ACOX3: variants seen among roughly 807,000 people sequenced by gnomAD.
The protein encoded by ACOX3 is peroxisomal acyl-coenzyme A oxidase 3.
In ACOX3, 73 loss-of-function variants were observed where a neutral mutation model predicts 81.5. That is an observed-to-expected ratio of 0.90 (90% CI 0.74 to 1.09). The LOEUF is 1.09. Ranked by LOEUF, ACOX3 falls within the 50% of genes least tolerant of loss-of-function variation. The pLI is 0.00. For synonymous variants in ACOX3, 387 were observed against 375.1 expected (o/e 1.03, Z -0.37); for missense variants, 947 against 928.0 (o/e 1.02, Z -0.27).
chr4:8,379,989 G>A (rs1257650396), intron 14 of ACOX3, among the ~76,000 whole-genome samples: 1 of 151,996 alleles, frequency 6.6e-6, no homozygotes, highest in African/African-American at 2.4e-5. Flanking sequence ...GCAGAGGAGG[G>A]AGCAGTGGAA....
chr4:8,373,510 G>C, intron 16 of ACOX3, 51 bp downstream of exon 16: 1 of 1,594,564 alleles, frequency 6.3e-7, no homozygotes, highest in Non-Finnish European at 8.6e-7. Context: ...GTGTCGCTCT[G>C]GGCGGTTGTG....
rs1718349710 is a variant in ACOX3, at chr4:8,386,743, G to A, written c.1537+2430C>T. 6.6e-6 allele frequency among the ~76,000 whole-genome samples: 1 copy of A among 152,138 alleles called. No individual in the cohort carries two copies. Among genetic ancestry groups the A allele is most frequent in the African/African-American group, 2.4e-5 (1 of 41,442 alleles). The stretch of plus-strand genomic sequence containing the variant: ...GCAAGCAGTGATGCAGACGCTTCCT[G>A]ATGACGATGCTGACGGTGCGGGCAG... On this transcript the variant is annotated intron_variant, in intron 13 of 17. Transcript: ENST00000356406. This position sits in a 1 kb window ranked among gnomAD's most constrained non-coding sequence, Gnocchi z 5.2.
chr4:8,394,812 T>A lies in ACOX3; in HGVS notation c.1057-70A>T. The A allele has an allele frequency of 6.4e-7, 1 of 1,555,946 alleles. No homozygotes were observed. Among genetic ancestry groups the A allele is most frequent in the Non-Finnish European group, 8.7e-7 (1 of 1,147,712 alleles). The stretch of plus-strand genomic sequence containing the variant: ...GAAGGGCAGCCCATCCCAGGGACCA[T>A]GAAAGCCAGTGCAGGGAGAGGCCGT... On this transcript the variant is annotated intron_variant, in intron 9 of 17. Transcript: ENST00000356406. This position sits in a 1 kb window ranked among gnomAD's most constrained non-coding sequence, Gnocchi z 5.9.
Position 8,389,088 on chromosome 4 carries a change from G to A in ACOX3, c.1537+85C>T. 8.8e-7 allele frequency: 1 copy of A among 1,130,888 alleles called. No homozygotes were observed. The highest frequency in any genetic ancestry group is 1.3e-6 in the Non-Finnish European group (1 of 766,900). The allele number at this position is 1,130,888 out of a possible 1,614,324, so 70.1% of individuals were successfully genotyped here. On this transcript the variant is annotated intron_variant, in intron 13 of 17. Transcript: ENST00000356406. This position sits in a 1 kb window ranked among gnomAD's most constrained non-coding sequence, Gnocchi z 5.3. The stretch of plus-strand genomic sequence containing the variant: ...GCTGCCCCGGCTGGAACTGCCAAGG[G>A]TCCCCTCACCGAGGCACGGTGCGTT...
At chr4:8,398,085 C>T (rs934969718) in intron 8 of ACOX3, among the ~76,000 whole-genome samples, 5 of 152,122 alleles carry the variant, frequency 3.3e-5, no homozygotes, top group African/African-American at 9.7e-5. Context: ...CACTTGAACC[C>T]GGGAGGCAGA....
chr4:8,398,625 G>A lies in ACOX3; in HGVS notation c.873+931C>T, dbSNP rs150195807. On this transcript the variant is annotated intron_variant, in intron 8 of 17. Transcript: ENST00000356406. ...ACCAAGTAACGGACCACAGGCACAC[G>A]CTACCATGCCCGGCTAATTTTTGCA... 1.3e-3 allele frequency among the ~76,000 whole-genome samples: 202 copies of A among 152,182 alleles called. 2 individuals are homozygous for A. Among genetic ancestry groups the A allele is most frequent in the African/African-American group, 4.2e-3 (175 of 41,508 alleles).
chr4:8,403,535 G>A lies in ACOX3; in HGVS notation c.776+2420C>T, dbSNP rs541005757. Among the ~76,000 whole-genome samples the A allele has an allele frequency of 1.1e-4, 17 of 152,312 alleles. No homozygotes were observed. The East Asian group carries it at 1.2e-3, about 10-fold the overall frequency. ...TCCCTGTCACCCTGCAGAGAGACACGGTGGAAAGGCTCTGGGGGCTCAGTG... is the reference window on the plus strand; with the variant it reads ...TCCCTGTCACCCTGCAGAGAGACACAGTGGAAAGGCTCTGGGGGCTCAGTG... On this transcript the variant is annotated intron_variant, in intron 7 of 17. Transcript: ENST00000356406.
In ACOX3 at chr4:8,392,409, C is replaced by G; in HGVS notation, c.1224G>C (p.Lys408Asn). 6.2e-7 allele frequency: 1 copy of G among 1,609,182 alleles called. No homozygotes were observed. Among genetic ancestry groups the G allele is most frequent in the South Asian group, 1.1e-5 (1 of 90,410 alleles). Reference sequence around the variant, plus strand: ...GCTGGGTGGTCCACGAGGCCAGGGGCTTGCTGGCCGATGCCAGGGCGTGGA... The same window carrying G: ...GCTGGGTGGTCCACGAGGCCAGGGGGTTGCTGGCCGATGCCAGGGCGTGGA... ...REIHALASAS[K>N]PLASWTTQQG... is the part of the protein sequence containing the mutation. Residue 408 changes from lysine to asparagine, a missense_variant, in exon 11 of 18, where the codon AAG becomes AAC. Physicochemically the swap from Lys to Asn is moderately conservative, Grantham distance 94. Coordinates refer to ENST00000356406, the MANE Select transcript of ACOX3 (RefSeq NM_003501.3).
At chr4:8,429,180 G>T (rs1264929895) in intron 1 of ACOX3, among the ~76,000 whole-genome samples, 1 of 152,204 alleles carries the variant, frequency 6.6e-6, no homozygotes, top group Non-Finnish European at 1.5e-5. Flanking sequence ...TACAGAGACA[G>T]TGTTGTACCT....
chr4:8,404,862 C>G (rs1250282831), intron 7 of ACOX3, among the ~76,000 whole-genome samples: 2 of 152,174 alleles, frequency 1.3e-5, no homozygotes, highest in Non-Finnish European at 2.9e-5. Context: ...TACCTTGTCC[C>G]ACTACCCCCA....
intron 1 of ACOX3, among the ~76,000 whole-genome samples, chr4:8,425,255 G>A (rs1723353809): frequency 6.6e-6 from 1 of 151,966 alleles, no homozygotes; most frequent in Admixed American, 6.6e-5. Flanking sequence ...GCCGCAAGGT[G>A]GGACCCTCCA....
At chr4:8,360,159 C>G in the ACOX3 span, among the ~76,000 whole-genome samples, 1 of 152,198 alleles carries the variant, frequency 6.6e-6, no homozygotes, top group Non-Finnish European at 1.5e-5. Context: ...GGCCCAGGTT[C>G]AGGGTTCAAT....
In ACOX3 at chr4:8,406,080, T is replaced by C; in HGVS notation, c.688-37A>G. The C allele has an allele frequency of 6.3e-7, 1 of 1,589,696 alleles. No individual in the cohort carries two copies. On this transcript the variant is annotated intron_variant, in intron 6 of 17. Coordinates refer to ENST00000356406, the MANE Select transcript of ACOX3 (RefSeq NM_003501.3). The surrounding 1 kb of genome is among the most constrained non-coding windows in gnomAD (Gnocchi z 5.6). ...CACAGAAAGCAGCAAACAGCAACTGTTACAATCACACAAAAATCAAAACAA... is the reference window on the plus strand; with the variant it reads ...CACAGAAAGCAGCAAACAGCAACTGCTACAATCACACAAAAATCAAAACAA...
At chr4:8,357,217 A>C in the ACOX3 span, 1 of 456,778 alleles carries the variant, frequency 2.2e-6, no homozygotes. Context: ...AACAGTGCAC[A>C]CTAACACGTT....
intron 5 of ACOX3, among the ~76,000 whole-genome samples, chr4:8,411,625 G>C (rs868520914): frequency 6.6e-6 from 1 of 152,208 alleles, no homozygotes; most frequent in Non-Finnish European, 1.5e-5. Context: ...GGCCCAAGCC[G>C]GCTCCTCGGG....
chr4:8,359,737 T>C, the ACOX3 span, among the ~76,000 whole-genome samples: 1 of 152,206 alleles, frequency 6.6e-6, no homozygotes, highest in East Asian at 1.9e-4. This position sits in a 1 kb window ranked among gnomAD's most constrained non-coding sequence, Gnocchi z 6.0. Context: ...TGGATGGGTC[T>C]TTCTCTGACC....
Position 8,394,746 on chromosome 4 carries a change from G to A in ACOX3, c.1057-4C>T. ...GATATGGAAGCAAGCGCCATTGCTA[G>A]AACAGACAAGACACCTGCGTGAACA... is the stretch of plus-strand genomic sequence containing the variant. On this transcript the variant is annotated splice_region_variant and splice_polypyrimidine_tract_variant and intron_variant, in intron 9 of 17. Transcript: ENST00000356406. The surrounding 1 kb of genome is among the most constrained non-coding windows in gnomAD (Gnocchi z 5.9). 1 of 1,612,482 alleles carries A rather than the reference G, an allele frequency of 6.2e-7. No individual in the cohort carries two copies. Among genetic ancestry groups the A allele is most frequent in the Non-Finnish European group, 8.5e-7 (1 of 1,179,296 alleles).
downstream of ACOX3, among the ~76,000 whole-genome samples, chr4:8,365,333 T>C (rs181004650): frequency 2.0e-5 from 3 of 152,362 alleles, no homozygotes; most frequent in Admixed American, 6.5e-5. Context: ...AAGAGTATCA[T>C]AGACAAAACA....
At position 8,405,896 on chromosome 4, in the gene ACOX3, C is replaced by T. The variant is rs911936638; in HGVS notation, c.776+59G>A. The T allele has an allele frequency of 1.2e-5, 19 of 1,525,102 alleles. No homozygotes were observed. The highest frequency in any genetic ancestry group is 5.5e-5 in the African/African-American group (4 of 72,968). The allele number at this position is 1,525,102 out of a possible 1,614,324, so 94.5% of individuals were successfully genotyped here. ...GGGCCAGTGAGATCTCAGACATGAG[C>T]GACAACGCAGCCTGGGCCTTGGCAG... On this transcript the variant is annotated intron_variant, in intron 7 of 17. Transcript: ENST00000356406. This position sits in a 1 kb window ranked among gnomAD's most constrained non-coding sequence, Gnocchi z 7.1.
Sources: gnomAD v4.1 joint callset for allele counts (sites outside exome capture counted in the v4.1 genomes callset) on GRCh38, gnomAD v4.1.1 for gene constraint, Gnocchi (gnomAD v3.1) non-coding constraint, MANE v1.5 for transcripts, NCBI Gene and HGNC (gene_info 2026-07-23, HGNC 2026-07-21) for gene names.